Variants in LHFPL3 observed in about 807,000 individuals in gnomAD.
LHFPL3 encodes LHFPL tetraspan subfamily member 3 protein.
LHFPL3 carries 5 observed loss-of-function variants against 19.3 expected under a neutral mutation model. That is an observed-to-expected ratio of 0.26 (90% CI 0.14 to 0.54). The LOEUF (loss-of-function observed/expected upper bound fraction) is 0.54. LHFPL3 is among the 20% of genes least tolerant of loss of function. The pLI is 0.94. For missense variants in LHFPL3, 249 were observed against 307.4 expected, an observed-to-expected ratio of 0.81 and a Z score of 1.42; for synonymous variants, 133 against 126.2, an observed-to-expected ratio of 1.05 and a Z score of -0.36.
intron 1 of LHFPL3, among the ~76,000 whole-genome samples, chr7:104,620,099 TG>T (rs1791417112): frequency 6.6e-6 from 1 of 152,182 alleles, no homozygotes; most frequent in Non-Finnish European, 1.5e-5. Context: ...GATACGGGTC[TG>T]TGACCTGGGG....
intron 2 of LHFPL3, among the ~76,000 whole-genome samples, chr7:104,900,020 C>T (rs542710001): frequency 6.6e-6 from 1 of 152,348 alleles, no homozygotes; most frequent in East Asian, 1.9e-4. Context: ...GCGTGAGCCA[C>T]CGCCGTGCCT....
At chr7:104,620,938 T>A (rs1441954874) in intron 1 of LHFPL3, among the ~76,000 whole-genome samples, 1 of 152,230 alleles carries the variant, frequency 6.6e-6, no homozygotes, top group African/African-American at 2.4e-5. Flanking sequence ...AGACAGTCTT[T>A]TTTTCAACCC....
Position 104,328,970 on chromosome 7 carries a change from G to A in LHFPL3, c.191G>A (p.Gly64Asp). ...CFIQPYWIGD[G>D]VDTPQAGYFG... ...ATCCAGCCCTACTGGATAGGCGACG[G>A]CGTGGACACCCCGCAAGCCGGCTAT... The change falls in exon 1 of 3, where the codon GGC (glycine) becomes GAC (aspartate). Residue 64 changes from glycine (G) to aspartate (D), a missense_variant. Physicochemically the swap from Gly to Asp is moderately conservative, Grantham distance 94. Transcript: ENST00000424859. This position sits in a 1 kb window ranked among gnomAD's most constrained non-coding sequence, Gnocchi z 4.6. The A allele has an allele frequency of 1.9e-6, 3 of 1,614,210 alleles. No homozygotes were observed. The highest frequency in any genetic ancestry group is 2.5e-6 in the Non-Finnish European group (3 of 1,180,034).
chr7:104,581,555 G>T (rs192260375), intron 1 of LHFPL3, among the ~76,000 whole-genome samples: 139 of 152,144 alleles, frequency 9.1e-4, no homozygotes, highest in African/African-American at 3.2e-3. Flanking sequence ...TATGCACTGT[G>T]TCTGTTTAAG....
chr7:104,827,750 C>T (rs1790853422), intron 2 of LHFPL3, among the ~76,000 whole-genome samples: 1 of 151,526 alleles, frequency 6.6e-6, no homozygotes, highest in African/African-American at 2.4e-5. Flanking sequence ...TAAAAAAAAT[C>T]CTTATTACAT....
At chr7:104,836,013 G>C (rs971774696) in intron 2 of LHFPL3, among the ~76,000 whole-genome samples, 16 of 151,914 alleles carry the variant, frequency 1.1e-4, no homozygotes, top group African/African-American at 3.6e-4. Flanking sequence ...AATTTATCCT[G>C]GGTAGTGTGC....
At chr7:104,892,098 A>T (rs1049712349) in intron 2 of LHFPL3, among the ~76,000 whole-genome samples, 2 of 152,248 alleles carry the variant, frequency 1.3e-5, no homozygotes, top group Non-Finnish European at 1.5e-5. Context: ...TCACTTATTC[A>T]ACAAGAATGC....
intron 2 of LHFPL3, among the ~76,000 whole-genome samples, chr7:104,812,324 T>C (rs556574280): frequency 2.6e-5 from 4 of 152,246 alleles, no homozygotes; most frequent in Admixed American, 1.3e-4. Context: ...GATGAATAAA[T>C]TGTGGAATAG....
At chr7:104,467,531 A>C (rs996188264) in intron 1 of LHFPL3, among the ~76,000 whole-genome samples, 1 of 152,236 alleles carries the variant, frequency 6.6e-6, no homozygotes, top group African/African-American at 2.4e-5. Flanking sequence ...TTTAAGAAAC[A>C]AGTGGCAAAT....
intron 1 of LHFPL3, among the ~76,000 whole-genome samples, chr7:104,429,411 G>A (rs151075646): frequency 6.7e-6 from 1 of 148,670 alleles, no homozygotes; most frequent in African/African-American, 2.5e-5. Context: ...GGGTTCAAGC[G>A]ATTCTCCTGT....
chr7:104,604,886 A>G (rs1018523848), intron 1 of LHFPL3, among the ~76,000 whole-genome samples: 4 of 152,214 alleles, frequency 2.6e-5, no homozygotes, highest in African/African-American at 7.2e-5. Context: ...AGATGAAGCT[A>G]TCAGGACTGT....
chr7:104,471,652 G>C (rs1001841943), intron 1 of LHFPL3, among the ~76,000 whole-genome samples: 4 of 152,164 alleles, frequency 2.6e-5, no homozygotes, highest in African/African-American at 9.7e-5. Context: ...CTACTCTACT[G>C]TGTGGCCTTG....
intron 2 of LHFPL3, among the ~76,000 whole-genome samples, chr7:104,808,143 G>C (rs1562799652): frequency 6.6e-6 from 1 of 152,184 alleles, no homozygotes; most frequent in African/African-American, 2.4e-5. Flanking sequence ...CTCTGATCAA[G>C]ATGAGGAGGC....
At chr7:104,481,415 T>A (rs1285838843) in intron 1 of LHFPL3, among the ~76,000 whole-genome samples, 1 of 152,154 alleles carries the variant, frequency 6.6e-6, no homozygotes, top group Non-Finnish European at 1.5e-5. Flanking sequence ...ATACTCCCAC[T>A]TGTCTTTTGT....
chr7:104,521,638 A>G (rs1387637492), intron 1 of LHFPL3, among the ~76,000 whole-genome samples: 2 of 152,212 alleles, frequency 1.3e-5, no homozygotes, highest in Admixed American at 1.3e-4. Context: ...CAACCTACTC[A>G]TCTGACAAAG....
intron 1 of LHFPL3, among the ~76,000 whole-genome samples, chr7:104,666,945 T>C (rs1240351230): frequency 2.6e-5 from 4 of 152,190 alleles, no homozygotes; most frequent in African/African-American, 9.7e-5. Flanking sequence ...AACAGTACTA[T>C]GATAAACACG....
At chr7:104,844,490 G>A (rs370416198) in intron 2 of LHFPL3, among the ~76,000 whole-genome samples, 4 of 152,296 alleles carry the variant, frequency 2.6e-5, no homozygotes, top group South Asian at 4.1e-4. Flanking sequence ...GAATTTTAAC[G>A]ACACTTGGAA....
chr7:104,486,208 A>G (rs1403645666), intron 1 of LHFPL3, among the ~76,000 whole-genome samples: 13 of 152,158 alleles, frequency 8.5e-5, no homozygotes, highest in Admixed American at 8.5e-4. Context: ...TTTTAAATAT[A>G]TTTACATAGA....
chr7:104,638,338 G>T (rs1172219106), intron 1 of LHFPL3, among the ~76,000 whole-genome samples: 1 of 152,082 alleles, frequency 6.6e-6, no homozygotes, highest in Non-Finnish European at 1.5e-5. Context: ...TGCAAACAGG[G>T]ATAGTTTGAT....
Sources: gnomAD v4.1 joint callset for allele counts (sites outside exome capture counted in the v4.1 genomes callset) on GRCh38, gnomAD v4.1.1 for gene constraint, Gnocchi (gnomAD v3.1) non-coding constraint, MANE v1.5 for transcripts, NCBI Gene and HGNC (gene_info 2026-07-23, HGNC 2026-07-21) for gene names.